The following VAV2 variants were observed in gnomAD, a reference collection of about 807,000 sequenced individuals.
VAV2 encodes vav guanine nucleotide exchange factor 2, also known as guanine nucleotide exchange factor VAV2.
In VAV2, 67 loss-of-function variants were observed where a neutral mutation model predicts 132.5. The ratio of observed to expected loss-of-function variants is 0.51; its 90% CI spans 0.42 to 0.62. The LOEUF (loss-of-function observed/expected upper bound fraction) is 0.62, where lower values mean the gene tolerates loss of function less well. Ranked by LOEUF, VAV2 falls within the 20% of genes least tolerant of loss-of-function variation. VAV2 has a pLI of 0.00. For synonymous variants in VAV2, 492 were observed against 443.5 expected, an observed-to-expected ratio of 1.11 and a Z score of -1.37; for missense variants, 938 against 1,153.6, an observed-to-expected ratio of 0.81 and a Z score of 2.71.
Position 133,883,563 on chromosome 9 carries a change from CAG to C in VAV2, c.322-22133_322-22132del, listed in dbSNP as rs1186762243. ...CAGCCACGGCAGGCAGACAGCCCAG[CAG>C]AGACTCCCAAGTCATCCCCAGCCAC... On this transcript the variant is annotated intron_variant, in intron 2 of 29. Transcript: ENST00000371850. This position sits in a 1 kb window ranked among gnomAD's most constrained non-coding sequence, Gnocchi z 4.2. Among the ~76,000 whole-genome samples, 2 of 152,118 alleles carry C rather than the reference CAG, an allele frequency of 1.3e-5. No individual in the cohort carries two copies. Among genetic ancestry groups the C allele is most frequent in the Admixed American group, 6.5e-5 (1 of 15,274 alleles).
intron 1 of VAV2, among the ~76,000 whole-genome samples, chr9:133,967,850 T>C (rs1001750480): frequency 2.0e-5 from 3 of 147,604 alleles, no homozygotes; most frequent in African/African-American, 7.5e-5. Flanking sequence ...GGAGAATGGC[T>C]TGAACCCACG....
intron 2 of VAV2, among the ~76,000 whole-genome samples, chr9:133,872,742 C>T (rs530411472): frequency 2.6e-5 from 4 of 152,188 alleles, no homozygotes; most frequent in East Asian, 3.9e-4. Flanking sequence ...CCTCTCCAGG[C>T]GGCCACTCCA....
intron 4 of VAV2, among the ~76,000 whole-genome samples, chr9:133,819,306 G>A (rs967561789): frequency 5.3e-4 from 81 of 151,876 alleles, no homozygotes; most frequent in African/African-American, 1.8e-3. Flanking sequence ...AAAATTAGCC[G>A]GGCGTGGTGG....
chr9:133,768,490 G>C lies in VAV2; in HGVS notation c.2541C>G (p.Ser847Arg), dbSNP rs1391413151. 1 of 1,613,906 alleles carries C rather than the reference G, an allele frequency of 6.2e-7. No individual in the cohort carries two copies. The highest frequency in any genetic ancestry group is 1.1e-5 in the South Asian group (1 of 91,068). Residue 847 changes from serine (S) to arginine (R), a missense_variant, in exon 29 of 30, where the codon AGC (serine) becomes AGG (arginine). By Grantham distance (110) the Ser-to-Arg change is moderately radical. Transcript: ENST00000371850. This position sits in a 1 kb window ranked among gnomAD's most constrained non-coding sequence, Gnocchi z 5.3. Reference protein sequence around the residue: ...LREGDVVRIYSRIGGDQGWWK... With the variant: ...LREGDVVRIYRRIGGDQGWWK... Reference sequence around the variant, plus strand: ...ACCAGCCCTGGTCTCCGCCGATGCGGCTGTAGATCCTCACCACGTCACCCT... The same window carrying C: ...ACCAGCCCTGGTCTCCGCCGATGCGCCTGTAGATCCTCACCACGTCACCCT...
At chr9:133,922,660 G>A (rs938272588) in intron 2 of VAV2, among the ~76,000 whole-genome samples, 1 of 152,236 alleles carries the variant, frequency 6.6e-6, no homozygotes, top group East Asian at 1.9e-4. Context: ...AGAGGATGCA[G>A]GTGGATCCTT....
chr9:133,914,564 C>T (rs1273244750), intron 2 of VAV2, among the ~76,000 whole-genome samples: 1 of 133,136 alleles, frequency 7.5e-6, no homozygotes, highest in African/African-American at 2.9e-5. Context: ...GTGGGGGTGA[C>T]GGCTGCCAAG....
intron 2 of VAV2, among the ~76,000 whole-genome samples, chr9:133,881,698 C>T (rs1838503023): frequency 6.6e-6 from 1 of 152,242 alleles, no homozygotes; most frequent in African/African-American, 2.4e-5. Context: ...GAGGCCCTCT[C>T]ATGTGTCTGA....
At chr9:133,881,495 T>C (rs769569757) in intron 2 of VAV2, among the ~76,000 whole-genome samples, 1 of 152,090 alleles carries the variant, frequency 6.6e-6, no homozygotes, top group Non-Finnish European at 1.5e-5. Context: ...CCCAGGCAGC[T>C]CGAGCCTCCA....
At chr9:133,895,934 T>TAACGTTAGTAGGTCGGGCGCAGTGGC (rs1195317034) in intron 2 of VAV2, among the ~76,000 whole-genome samples, 7 of 134,692 alleles carry the variant, frequency 5.2e-5, no homozygotes, top group African/African-American at 8.8e-5. Flanking sequence ...AAATCTTTTT[T>TAACGTTAGTAGGTCGGGCGCAGTGGC]TTTTTTTTTT....
intron 1 of VAV2, among the ~76,000 whole-genome samples, chr9:133,955,881 A>G (rs1450075558): frequency 7.0e-6 from 1 of 143,592 alleles, no homozygotes; most frequent in African/African-American, 2.6e-5. Flanking sequence ...CCTCCAGCTC[A>G]GGCTGCTCCG....
At chr9:133,797,836 CGCACACAG>C (rs745374974) in intron 9 of VAV2, 27 bp from the exon 10 acceptor site, 5 of 1,605,952 alleles carry the variant, frequency 3.1e-6, no homozygotes, top group African/African-American at 2.7e-5. Flanking sequence ...CACGCACACA[CGCACACAG>C]ATTTAATGAG....
At chr9:133,843,587 C>T (rs1043022110) in intron 3 of VAV2, among the ~76,000 whole-genome samples, 10 of 152,288 alleles carry the variant, frequency 6.6e-5, no homozygotes, top group African/African-American at 2.2e-4. Context: ...AAGGGCCCTA[C>T]ACCCCCTGGC....
In VAV2 at chr9:133,806,165, T is replaced by C. The variant is rs1462613393; in HGVS notation, c.752A>G (p.His251Arg). 1 of 1,612,420 alleles carries C rather than the reference T, an allele frequency of 6.2e-7. No individual in the cohort carries two copies. The highest frequency in any genetic ancestry group is 1.3e-5 in the African/African-American group (1 of 74,924). Residue 251 changes from histidine (H) to arginine (R), a missense_variant, in exon 9 of 30, where the codon CAT becomes CGT. Transcript: ENST00000371850. ...FINLEDLIKVHHSFLRAIDVS... is the reference protein window; with the variant it reads ...FINLEDLIKVRHSFLRAIDVS... ...GTCGATGGCCCTCAGGAAGCTGTGA[T>C]GCACCTTGATCAGGTCCTGGGTTGA... is the stretch of plus-strand genomic sequence containing the variant.
chr9:133,966,797 G>A (rs1842154090), intron 1 of VAV2, among the ~76,000 whole-genome samples: 4 of 152,078 alleles, frequency 2.6e-5, no homozygotes, highest in Admixed American at 2.6e-4. Flanking sequence ...CACTCTGGGA[G>A]GCCGTGGCGG....
At chr9:133,939,615 A>G (rs1049955371) in intron 1 of VAV2, among the ~76,000 whole-genome samples, 1 of 152,248 alleles carries the variant, frequency 6.6e-6, no homozygotes. Flanking sequence ...CAGCTCTCCC[A>G]GGCGCACCCA....
intron 9 of VAV2, among the ~76,000 whole-genome samples, chr9:133,801,861 G>A (rs913896199): frequency 6.6e-6 from 1 of 152,186 alleles, no homozygotes; most frequent in Non-Finnish European, 1.5e-5. Flanking sequence ...CAGGACGTAG[G>A]AAGGATCCCC....
chr9:133,902,425 C>A (rs561400513), intron 2 of VAV2, among the ~76,000 whole-genome samples: 1 of 152,322 alleles, frequency 6.6e-6, no homozygotes, highest in East Asian at 1.9e-4. Context: ...TGAAATGCGG[C>A]CAGCACTGGA....
chr9:133,933,322 C>T (rs188060237), intron 2 of VAV2, among the ~76,000 whole-genome samples: 9 of 152,374 alleles, frequency 5.9e-5, no homozygotes, highest in Non-Finnish European at 8.8e-5. Context: ...GCAAAGACTA[C>T]GTGAGTCTCC....
intron 1 of VAV2, among the ~76,000 whole-genome samples, chr9:133,944,008 G>C (rs1347601596): frequency 6.6e-6 from 1 of 152,234 alleles, no homozygotes; most frequent in African/African-American, 2.4e-5. Context: ...CAGGGCCGGA[G>C]AGCCAAGACC....
Sources: gnomAD v4.1 joint callset for allele counts (sites outside exome capture counted in the v4.1 genomes callset) on GRCh38, gnomAD v4.1.1 for gene constraint, Gnocchi (gnomAD v3.1) non-coding constraint, MANE v1.5 for transcripts, NCBI Gene and HGNC (gene_info 2026-07-23, HGNC 2026-07-21) for gene names.